The following TTC39C variants were observed in gnomAD, a reference collection of about 807,000 sequenced individuals.
TTC39C encodes tetratricopeptide repeat domain 39C.
TTC39C carries 33 observed loss-of-function variants against 76.3 expected under a neutral mutation model. The ratio of observed to expected loss-of-function variants is 0.43; its 90% CI spans 0.33 to 0.58. TTC39C has a LOEUF of 0.58. Ranked by LOEUF, TTC39C falls within the 20% of genes least tolerant of loss-of-function variation. The pLI, the probability that TTC39C is intolerant of heterozygous loss-of-function variation, is 0.04. For synonymous variants in TTC39C, 254 were observed against 260.6 expected (o/e 0.97, Z 0.24); for missense variants, 595 against 701.4 (o/e 0.85, Z 1.71).
rs35502981 is a variant in TTC39C, at chr18:24,061,593, T to TAAAAAA, written c.168-2529_168-2524dup. Among the ~76,000 whole-genome samples the TAAAAAA allele has an allele frequency of 1.9e-3, 178 of 95,598 alleles. 1 individual carries two copies. The highest frequency in any genetic ancestry group is 2.8e-3 in the Non-Finnish European group (140 of 50,564). 62.7% of individuals were successfully genotyped at this position (95,598 alleles called of 152,430 possible). On this transcript the variant is annotated intron_variant, in intron 1 of 13. Transcript: ENST00000317571. ...TTAACTTAGGATCACTTGAAATAAGTAAAAAAAAAAAAAAAAAAAAAAAGC... is the reference window on the plus strand; with the variant it reads ...TTAACTTAGGATCACTTGAAATAAGTAAAAAAAAAAAAAAAAAAAAAAAAAAAAAGC...
intron 1 of TTC39C, among the ~76,000 whole-genome samples, chr18:23,993,327 T>C (rs1568397109): frequency 6.6e-6 from 1 of 152,234 alleles, no homozygotes; most frequent in East Asian, 1.9e-4. Context: ...AGCATTTGCA[T>C]AGTATCCCTT....
At chr18:24,127,381 G>A (rs1407072563) in intron 10 of TTC39C, among the ~76,000 whole-genome samples, 1 of 152,100 alleles carries the variant, frequency 6.6e-6, no homozygotes, top group Non-Finnish European at 1.5e-5. Context: ...GCTTATCAGA[G>A]TCCCCATCCA....
chr18:24,007,896 T>TTTAA (rs10647347), intron 1 of TTC39C, among the ~76,000 whole-genome samples: 152,189 of 152,314 alleles, frequency 1, 76,033 homozygotes, highest in Middle Eastern at 1. Context: ...ACACACTGAC[T>TTTAA]TTAATATCTG....
intron 6 of TTC39C, among the ~76,000 whole-genome samples, chr18:24,083,936 T>C (rs111763455): frequency 2.6e-5 from 4 of 152,290 alleles, no homozygotes; most frequent in African/African-American, 9.6e-5. Context: ...ACATCTGTCC[T>C]CCAGTTAACC....
At chr18:24,114,444 G>A (rs911140689) in intron 6 of TTC39C, 110 bp from the exon 7 acceptor site, 29 of 823,260 alleles carry the variant, frequency 3.5e-5, no homozygotes, top group Non-Finnish European at 4.8e-5. Flanking sequence ...CTTCTATATT[G>A]CTTAACCTGT....
chr18:24,056,715 A>G (rs2084020941), intron 1 of TTC39C, among the ~76,000 whole-genome samples: 1 of 152,182 alleles, frequency 6.6e-6, no homozygotes, highest in Non-Finnish European at 1.5e-5. Context: ...TGACTCATAC[A>G]GAGAGAAAAT....
chr18:24,068,340 A>C (rs371425348), intron 3 of TTC39C, among the ~76,000 whole-genome samples: 41 of 152,342 alleles, frequency 2.7e-4, no homozygotes, highest in African/African-American at 9.4e-4. Flanking sequence ...ACCACGATGG[A>C]TTATGCTAAA....
intron 3 of TTC39C, among the ~76,000 whole-genome samples, chr18:24,067,990 G>T (rs1195859443): frequency 6.6e-6 from 1 of 152,078 alleles, no homozygotes; most frequent in Admixed American, 6.6e-5. Flanking sequence ...TCCATGCCCT[G>T]TTGAGTGTGT....
intron 6 of TTC39C, among the ~76,000 whole-genome samples, chr18:24,110,840 G>C (rs1056292938): frequency 2.6e-5 from 4 of 152,184 alleles, no homozygotes; most frequent in Admixed American, 2.0e-4. Flanking sequence ...AGCCAATATT[G>C]TTTCTCATTT....
chr18:24,069,519 G>A (rs1024589883), intron 4 of TTC39C, among the ~76,000 whole-genome samples: 3 of 152,118 alleles, frequency 2.0e-5, no homozygotes, highest in Admixed American at 6.5e-5. Flanking sequence ...GACAGAAATT[G>A]CTACTGCCTC....
chr18:24,005,992 T>G (rs192091715), intron 1 of TTC39C, among the ~76,000 whole-genome samples: 50 of 149,812 alleles, frequency 3.3e-4, no homozygotes, highest in Middle Eastern at 3.4e-3. Context: ...TTCCTTAGGG[T>G]AAGTGAGCTT....
chr18:24,051,154 C>A (rs916360108), intron 1 of TTC39C, among the ~76,000 whole-genome samples: 2 of 152,162 alleles, frequency 1.3e-5, no homozygotes, highest in Non-Finnish European at 2.9e-5. Flanking sequence ...GACTGTCCAG[C>A]CTCCTGCTTA....
chr18:24,077,658 A>G (rs1017705248), intron 4 of TTC39C, among the ~76,000 whole-genome samples: 1 of 152,248 alleles, frequency 6.6e-6, no homozygotes, highest in African/African-American at 2.4e-5. Context: ...GAAACAGTCA[A>G]TAGCCAATCG....
At chr18:24,023,997 TATATA>T (rs2083561997) in intron 1 of TTC39C, among the ~76,000 whole-genome samples, 1 of 7,448 alleles carries the variant, frequency 1.3e-4, no homozygotes, top group South Asian at 3.3e-3. Flanking sequence ...TATATATATA[TATATA>T]TATATATATA....
At chr18:24,047,888 C>T (rs1026368481) in intron 1 of TTC39C, among the ~76,000 whole-genome samples, 1 of 152,098 alleles carries the variant, frequency 6.6e-6, no homozygotes, top group Non-Finnish European at 1.5e-5. Flanking sequence ...CATTGTATGC[C>T]TGTATCGAAA....
chr18:24,099,021 GTGTGTGTGTGTGTGTATA>G (rs2084639008), intron 6 of TTC39C, among the ~76,000 whole-genome samples: 1 of 146,776 alleles, frequency 6.8e-6, no homozygotes, highest in African/African-American at 2.6e-5. Context: ...GTGTGTGTGT[GTGTGTGTGTGTGTGTATA>G]TATATATCTA....
chr18:24,039,304 G>A (rs1362693970), intron 1 of TTC39C, among the ~76,000 whole-genome samples: 1 of 152,228 alleles, frequency 6.6e-6, no homozygotes, highest in Non-Finnish European at 1.5e-5. Context: ...GGGTACTGGG[G>A]CAGAGCCAGC....
chr18:24,066,142 T>C lies in TTC39C; in HGVS notation c.345+2T>C. 6.3e-7 allele frequency: 1 copy of C among 1,595,994 alleles called. No homozygotes were observed. The highest frequency in any genetic ancestry group is 2.3e-5 in the East Asian group (1 of 44,192). ...ATCAAGAATAAAATTAAGAAGAACG[T>C]AAGTATTGCGGCTTTAGGTTGTGGA... On this transcript the variant is annotated splice_donor_variant, in intron 3 of 13. Coordinates refer to ENST00000317571, the MANE Select transcript of TTC39C (RefSeq NM_001135993.2). LOFTEE classifies it high-confidence loss of function.
At chr18:24,033,197 G>A (rs1200596304) in intron 1 of TTC39C, among the ~76,000 whole-genome samples, 1 of 152,216 alleles carries the variant, frequency 6.6e-6, no homozygotes, top group Non-Finnish European at 1.5e-5. Context: ...CGGTTGCAGT[G>A]AGCTGAGATC....
Sources: allele counts gnomAD v4.1 joint callset (sites outside exome capture counted in the v4.1 genomes callset), GRCh38; gene constraint gnomAD v4.1.1; transcripts MANE v1.5; gene names NCBI Gene and HGNC (gene_info 2026-07-23, HGNC 2026-07-21).